RUNX1: variants seen among roughly 807,000 people sequenced by gnomAD.
RUNX1 encodes the protein RUNX family transcription factor 1.
RUNX1 carries 19 observed loss-of-function variants against 42.8 expected under a neutral mutation model. That is an observed-to-expected ratio of 0.44 (90% CI 0.31 to 0.65). The LOEUF is 0.65. Among genes scored for constraint, RUNX1 ranks in the 30% least tolerant of loss-of-function variants. The pLI is 0.07. For missense variants in RUNX1, 528 were observed against 672.0 expected (o/e 0.79, Z 2.37); for synonymous variants, 271 against 289.4 (o/e 0.94, Z 0.64).
intron 6 of RUNX1, among the ~76,000 whole-genome samples, chr21:34,847,133 A>G (rs1051797899): frequency 2.3e-4 from 35 of 152,248 alleles, no homozygotes; most frequent in African/African-American, 7.0e-4. Flanking sequence ...AGAAAATGGA[A>G]TAACAGAGTT....
intron 2 of RUNX1, among the ~76,000 whole-genome samples, chr21:34,908,600 T>C (rs73900579): frequency 0.15 from 23,044 of 152,116 alleles, 2,488 homozygotes; most frequent in East Asian, 0.52. Flanking sequence ...AGGTGCAATC[T>C]CCATTCTTGT....
At chr21:34,799,731 G>T (rs1031860798) in intron 7 of RUNX1, among the ~76,000 whole-genome samples, 1 of 152,154 alleles carries the variant, frequency 6.6e-6, no homozygotes, top group Admixed American at 6.5e-5. Context: ...GAGAGGAATG[G>T]ATTACACTTT....
chr21:34,850,611 TTTTC>T (rs1328564622), intron 6 of RUNX1, among the ~76,000 whole-genome samples: 1 of 152,178 alleles, frequency 6.6e-6, no homozygotes, highest in East Asian at 1.9e-4. Context: ...CACACGTGAC[TTTTC>T]TTTCTGACTT....
intron 2 of RUNX1, among the ~76,000 whole-genome samples, chr21:34,991,555 ATGATGATGATGATGATGATGG>A (rs1272371526): frequency 1.3e-5 from 2 of 152,058 alleles, no homozygotes; most frequent in Non-Finnish European, 2.9e-5. Flanking sequence ...GATGATGATG[ATGATGATGATGATGATGATGG>A]TGATGATGAC....
Position 34,791,566 on chromosome 21 carries a change from A to C in RUNX1, c.*569T>G, listed in dbSNP as rs573467458. 38 of 229,888 alleles carry C rather than the reference A, an allele frequency of 1.7e-4. No homozygotes were observed. Among genetic ancestry groups the C allele is most frequent in the African/African-American group, 6.6e-4 (30 of 45,278 alleles). 14.2% of individuals were successfully genotyped at this position (229,888 alleles called of 1,614,324 possible). ...AGAAAGAAGCAAGCTCAATTTATATATATTTATATAAACGTATATAAAAAT... is the reference window on the plus strand; with the variant it reads ...AGAAAGAAGCAAGCTCAATTTATATCTATTTATATAAACGTATATAAAAAT... On this transcript the variant is annotated 3_prime_UTR_variant, in exon 9 of 9. Transcript: ENST00000675419.
At chr21:34,991,546 ATGATG>A (rs2058939512) in intron 2 of RUNX1, among the ~76,000 whole-genome samples, 2 of 4,764 alleles carry the variant, frequency 4.2e-4, no homozygotes, top group African/African-American at 7.0e-3. Flanking sequence ...AGGGATTACG[ATGATG>A]ATGATGATGA....
At chr21:34,953,168 C>A (rs138294068) in intron 2 of RUNX1, among the ~76,000 whole-genome samples, 4 of 151,396 alleles carry the variant, frequency 2.6e-5, no homozygotes, top group Admixed American at 2.6e-4. Context: ...CATTATTATG[C>A]GTCTACGTGA....
chr21:35,000,376 G>C (rs1396598563), intron 2 of RUNX1, among the ~76,000 whole-genome samples: 2 of 151,734 alleles, frequency 1.3e-5, no homozygotes, highest in African/African-American at 4.8e-5. Context: ...GAGTAGCTGG[G>C]ACTACAGGCA....
At chr21:34,886,184 G>A (rs1352129805) in intron 4 of RUNX1, among the ~76,000 whole-genome samples, 1 of 152,188 alleles carries the variant, frequency 6.6e-6, no homozygotes. Context: ...GCTGATGATA[G>A]CATTCAGAAC....
At chr21:34,833,146 C>G (rs1378995262) in intron 7 of RUNX1, 1 of 152,410 alleles carries the variant, frequency 6.6e-6, no homozygotes, top group Admixed American at 6.6e-5. Flanking sequence ...CTCTGTTGCC[C>G]AGGCTGGAGT....
intron 5 of RUNX1, among the ~76,000 whole-genome samples, chr21:34,879,343 C>T (rs187190709): frequency 3.3e-5 from 5 of 152,196 alleles, no homozygotes; most frequent in Admixed American, 2.6e-4. Context: ...TTTTCAATCA[C>T]ATTATATAAA....
intron 5 of RUNX1, among the ~76,000 whole-genome samples, chr21:34,873,524 C>G (rs1222254188): frequency 2.0e-5 from 3 of 152,240 alleles, no homozygotes; most frequent in Non-Finnish European, 4.4e-5. Flanking sequence ...GTTTAAATGG[C>G]TCCTAAATGA....
intron 2 of RUNX1, among the ~76,000 whole-genome samples, chr21:34,957,430 T>C (rs2058652355): frequency 6.6e-6 from 1 of 152,166 alleles, no homozygotes; most frequent in South Asian, 2.1e-4. Flanking sequence ...GGAAGGTAAA[T>C]GCTTCCTTGA....
At chr21:35,041,178 A>G (rs2059356527) in intron 2 of RUNX1, among the ~76,000 whole-genome samples, 1 of 152,166 alleles carries the variant, frequency 6.6e-6, no homozygotes, top group Non-Finnish European at 1.5e-5. Context: ...AACGCCCAGA[A>G]GTAAAAGTTG....
At chr21:35,010,491 G>A (rs567590898) in intron 2 of RUNX1, among the ~76,000 whole-genome samples, 4 of 152,258 alleles carry the variant, frequency 2.6e-5, no homozygotes, top group Non-Finnish European at 5.9e-5. Context: ...CTGGCTGTCT[G>A]TTGCATTTCT....
intron 5 of RUNX1, among the ~76,000 whole-genome samples, chr21:34,860,136 T>C (rs1002818088): frequency 1.3e-5 from 2 of 152,228 alleles, no homozygotes; most frequent in African/African-American, 4.8e-5. Flanking sequence ...GAGGTACTCA[T>C]GGGATCAGTC....
At chr21:34,864,614 G>A (rs552688967) in intron 5 of RUNX1, among the ~76,000 whole-genome samples, 31 of 152,238 alleles carry the variant, frequency 2.0e-4, no homozygotes, top group South Asian at 1.7e-3. Context: ...TGGTTCCAGA[G>A]GGGGCCACCA....
At chr21:35,048,148 G>A (rs1417613232) in intron 2 of RUNX1, among the ~76,000 whole-genome samples, 1 of 152,160 alleles carries the variant, frequency 6.6e-6, no homozygotes, top group Non-Finnish European at 1.5e-5. Flanking sequence ...GAGAGACCTC[G>A]GTATGCCACA....
chr21:34,803,548 G>GAAA (rs529325438), intron 7 of RUNX1, among the ~76,000 whole-genome samples: 3 of 145,202 alleles, frequency 2.1e-5, no homozygotes, highest in African/African-American at 7.6e-5. Context: ...CTCCGTCTCA[G>GAAA]AAAAAAAAAA....
Sources: gnomAD v4.1 joint callset for allele counts (sites outside exome capture counted in the v4.1 genomes callset) on GRCh38, gnomAD v4.1.1 for gene constraint, MANE v1.5 for transcripts, NCBI Gene and HGNC (gene_info 2026-07-23, HGNC 2026-07-21) for gene names.